KPNA7: variants seen among roughly 807,000 people sequenced by gnomAD.
The protein encoded by KPNA7 is importin subunit alpha-8.
In KPNA7, 54 loss-of-function variants were observed where a neutral mutation model predicts 53.7. The observed-to-expected ratio is 1.01, with a 90% CI of 0.81 to 1.26. The LOEUF (loss-of-function observed/expected upper bound fraction) is 1.26, where lower values mean the gene tolerates loss of function less well. Ranked by LOEUF, KPNA7 falls within the 50% of genes most tolerant of loss-of-function variation. The probability of loss-of-function intolerance (pLI) is 0.00; values close to 1 mark genes in which losing one functional copy is unlikely to be tolerated. For missense variants in KPNA7, 640 were observed against 644.5 expected, an observed-to-expected ratio of 0.99 and a Z score of 0.07; for synonymous variants, 276 against 259.3, an observed-to-expected ratio of 1.06 and a Z score of -0.62.
At chr7:99,189,786 C>T (rs549876414) in intron 6 of KPNA7, among the ~76,000 whole-genome samples, 3 of 152,154 alleles carry the variant, frequency 2.0e-5, no homozygotes, top group African/African-American at 7.2e-5. Context: ...AGAGGAAAGT[C>T]TTGCTATGTT....
intron 3 of KPNA7, among the ~76,000 whole-genome samples, chr7:99,196,732 C>A (rs374601220): frequency 4.1e-4 from 63 of 152,148 alleles, no homozygotes; most frequent in Middle Eastern, 3.4e-3. Flanking sequence ...CAACAGCCTC[C>A]CAACCACCAG....
At position 99,196,169 on chromosome 7, in the gene KPNA7, G is replaced by A; in HGVS notation, c.202-3C>T. 3 of 1,549,932 alleles carry A rather than the reference G, an allele frequency of 1.9e-6. No individual in the cohort carries two copies. The highest frequency in any genetic ancestry group is 2.6e-6 in the Non-Finnish European group (3 of 1,145,392). On this transcript the variant is annotated splice_polypyrimidine_tract_variant and splice_region_variant and intron_variant, in intron 3 of 10. Coordinates refer to ENST00000327442, the MANE Select transcript of KPNA7 (RefSeq NM_001145715.3). The stretch of plus-strand genomic sequence containing the variant: ...ATTTCACCCAGAGTGAGGCTGACCT[G>A]CAAGAAGAGACACATTCAGGTCAGA...
chr7:99,203,459 T>C (rs1156397079), intron 2 of KPNA7, among the ~76,000 whole-genome samples: 2 of 152,098 alleles, frequency 1.3e-5, no homozygotes, highest in East Asian at 3.8e-4. Flanking sequence ...CCCTCCAAAA[T>C]AAAGCAAGAC....
chr7:99,172,939 T>C (rs780205242), downstream of KPNA7, among the ~76,000 whole-genome samples: 26 of 151,298 alleles, frequency 1.7e-4, no homozygotes, highest in South Asian at 4.2e-4. Context: ...GGCAGGCACC[T>C]ATAGTCCCAG....
At chr7:99,177,531 C>T (rs1000499723) in intron 10 of KPNA7, among the ~76,000 whole-genome samples, 7 of 136,560 alleles carry the variant, frequency 5.1e-5, no homozygotes, top group Middle Eastern at 3.9e-3. Flanking sequence ...GCTGAGATGG[C>T]GCCTCTGTCC....
chr7:99,182,711 G>A (rs1341718741), intron 8 of KPNA7, among the ~76,000 whole-genome samples: 1 of 152,120 alleles, frequency 6.6e-6, no homozygotes, highest in Non-Finnish European at 1.5e-5. Context: ...GGTCTTAGAG[G>A]GAAGCTCTAA....
intron 6 of KPNA7, 147 bp from the exon 7 acceptor site, chr7:99,188,710 C>T (rs921651565): frequency 7.9e-6 from 7 of 881,348 alleles, no homozygotes; most frequent in African/African-American, 3.4e-5. Context: ...GACAGCCTTG[C>T]TCTGTCACCC....
the KPNA7 span, among the ~76,000 whole-genome samples, chr7:99,155,308 T>C: frequency 6.6e-6 from 1 of 152,220 alleles, no homozygotes; most frequent in African/African-American, 2.4e-5. Context: ...TTCCAGTCTA[T>C]ACTCCCACCT....
At chr7:99,172,623 T>C (rs541311487), downstream of KPNA7, among the ~76,000 whole-genome samples, 1 of 152,282 alleles carries the variant, frequency 6.6e-6, no homozygotes, top group Non-Finnish European at 1.5e-5. Context: ...CTCTCTTTCT[T>C]TCTAGGAAGA....
rs752449397 is a variant in KPNA7 at position 99,195,494 on chromosome 7, C to T, written c.285-156G>A. Among the ~76,000 whole-genome samples, 6 of 152,128 alleles carry T rather than the reference C, an allele frequency of 3.9e-5. No homozygotes were observed. In the East Asian group the frequency reaches 5.8e-4, roughly 15 times the overall value. ...ACTTGAGGTCGCAAGGTCAGGAGTT[C>T]GAGACCAGCCTGGCCAACATGGTGA... On this transcript the variant is annotated intron_variant, in intron 4 of 10. Transcript: ENST00000327442.
At chr7:99,147,394 G>A in the KPNA7 span, among the ~76,000 whole-genome samples, 2 of 152,226 alleles carry the variant, frequency 1.3e-5, no homozygotes, top group African/African-American at 4.8e-5. Flanking sequence ...AGGAACAGCT[G>A]CACAAAGGCA....
At chr7:99,187,827 AAAAAAAAAC>A (rs1789695863) in intron 7 of KPNA7, among the ~76,000 whole-genome samples, 13 of 99,360 alleles carry the variant, frequency 1.3e-4, no homozygotes, top group Admixed American at 3.4e-4. Flanking sequence ...AAAAAAAAAA[AAAAAAAAAC>A]CCACTAGGAT....
chr7:99,176,853 C>A (rs1489366130), intron 10 of KPNA7, among the ~76,000 whole-genome samples: 6 of 152,072 alleles, frequency 3.9e-5, no homozygotes, highest in African/African-American at 1.4e-4. Context: ...TGCCTTCCAG[C>A]CTGGGTGACA....
intron 6 of KPNA7, among the ~76,000 whole-genome samples, chr7:99,192,709 T>A (rs1790017775): frequency 6.6e-6 from 1 of 152,212 alleles, no homozygotes; most frequent in Non-Finnish European, 1.5e-5. Context: ...ATGCCCAGTC[T>A]TGAGCCTTGT....
intron 10 of KPNA7, among the ~76,000 whole-genome samples, chr7:99,176,035 C>A (rs959520428): frequency 2.6e-5 from 4 of 152,010 alleles, no homozygotes; most frequent in African/African-American, 4.8e-5. Flanking sequence ...TGGTGGCTCA[C>A]GCCTGTAATC....
At chr7:99,160,249 A>G in the KPNA7 span, among the ~76,000 whole-genome samples, 1 of 151,562 alleles carries the variant, frequency 6.6e-6, no homozygotes, top group African/African-American at 2.4e-5. Flanking sequence ...GATGGTCTCA[A>G]TCTCCTGACC....
chr7:99,184,464 G>C (rs1789469740), intron 8 of KPNA7, among the ~76,000 whole-genome samples: 1 of 152,132 alleles, frequency 6.6e-6, no homozygotes, highest in Non-Finnish European at 1.5e-5. Flanking sequence ...CACTCAGCCT[G>C]CTTTGTTGTT....
rs1432045826 is a variant in KPNA7, at chr7:99,196,034, G to A, written c.284+50C>T. The A allele has an allele frequency of 4.1e-6, 6 of 1,447,596 alleles. No homozygotes were observed. In the East Asian group the frequency reaches 7.4e-5, roughly 18 times the overall value. 89.7% of individuals were successfully genotyped at this position (1,447,596 alleles called of 1,614,324 possible). A position where few individuals can be genotyped will look rare whatever the true frequency, so the allele number is the denominator to read the frequency against. On this transcript the variant is annotated intron_variant, in intron 4 of 10. Coordinates refer to ENST00000327442, the MANE Select transcript of KPNA7 (RefSeq NM_001145715.3). ...CACCGGCGCTCCAGCCATCACTGACGCTCATTGCTAACTATGAACCTGCAA... is the reference window on the plus strand; with the variant it reads ...CACCGGCGCTCCAGCCATCACTGACACTCATTGCTAACTATGAACCTGCAA...
intron 3 of KPNA7, among the ~76,000 whole-genome samples, 199 bp downstream of exon 3, chr7:99,202,905 CCA>C (rs1177145057): frequency 1.3e-5 from 2 of 152,102 alleles, no homozygotes; most frequent in East Asian, 3.8e-4. Flanking sequence ...AATCTAGATT[CCA>C]CAGACTCAGA....
Sources: allele counts gnomAD v4.1 joint callset (sites outside exome capture counted in the v4.1 genomes callset), GRCh38; gene constraint gnomAD v4.1.1; transcripts MANE v1.5; gene names NCBI Gene and HGNC (gene_info 2026-07-23, HGNC 2026-07-21).